Variants in KTN1 observed in about 807,000 individuals in gnomAD.
KTN1 encodes the protein kinectin 1, also known as kinectin.
KTN1 carries 130 observed loss-of-function variants against 222.5 expected under a neutral mutation model. That is an observed-to-expected ratio of 0.58 (90% CI 0.51 to 0.68). The LOEUF (loss-of-function observed/expected upper bound fraction) is 0.68, where lower values mean the gene tolerates loss of function less well. Ranked by LOEUF, KTN1 falls within the 30% of genes least tolerant of loss-of-function variation. KTN1 has a pLI of 0.00. For synonymous variants in KTN1, 512 were observed against 496.3 expected, an observed-to-expected ratio of 1.03 and a Z score of -0.42; for missense variants, 1,508 against 1,500.4, an observed-to-expected ratio of 1.01 and a Z score of -0.08.
chr14:55,658,666 TA>T (rs1228076224), intron 30 of KTN1, 52 bp downstream of exon 30: 2 of 1,058,644 alleles, frequency 1.9e-6, no homozygotes, highest in Non-Finnish European at 2.9e-6. Flanking sequence ...AAAAATTATA[TA>T]ACCAGTGACA....
At chr14:55,609,380 G>A (rs1011569554) in intron 1 of KTN1, among the ~76,000 whole-genome samples, 1 of 152,058 alleles carries the variant, frequency 6.6e-6, no homozygotes, top group East Asian at 1.9e-4. Context: ...TTCATCTCTT[G>A]GTGTCTAGTT....
intron 9 of KTN1, 124 bp downstream of exon 9, chr14:55,634,782 T>C: frequency 1.3e-6 from 1 of 747,732 alleles, no homozygotes; most frequent in Non-Finnish European, 2.0e-6. Context: ...TTTAATTGAC[T>C]CACGGTTCAA....
intron 1 of KTN1, among the ~76,000 whole-genome samples, chr14:55,609,408 T>C (rs1315046626): frequency 6.6e-6 from 1 of 152,292 alleles, no homozygotes; most frequent in Non-Finnish European, 1.5e-5. Context: ...TCTAAATGCA[T>C]AGTGAGACTC....
intron 29 of KTN1, 42 bp downstream of exon 29, chr14:55,656,174 G>A (rs1295598329): frequency 1.1e-5 from 15 of 1,320,158 alleles, no homozygotes; most frequent in East Asian, 2.4e-5. Context: ...GTAAATTATT[G>A]TCTTTGCATG....
intron 1 of KTN1, among the ~76,000 whole-genome samples, chr14:55,598,190 CT>C (rs1353947965): frequency 6.6e-6 from 1 of 152,118 alleles, no homozygotes; most frequent in Non-Finnish European, 1.5e-5. Context: ...AATCCCAGCA[CT>C]TTGGGAGGCC....
chr14:55,596,153 G>GGAAAAAA (rs1208267682), intron 1 of KTN1, among the ~76,000 whole-genome samples: 1 of 37,568 alleles, frequency 2.7e-5, no homozygotes. Flanking sequence ...AGACTCAATA[G>GGAAAAAA]CAAAAAAAAA....
intron 11 of KTN1, 135 bp from the exon 12 acceptor site, chr14:55,637,644 G>T: frequency 1.6e-6 from 1 of 640,104 alleles, no homozygotes; most frequent in Non-Finnish European, 2.7e-6. Flanking sequence ...TTAAAATAAT[G>T]CCTTTTGGAA....
At chr14:55,640,156 T>A (rs571489181) in intron 14 of KTN1, among the ~76,000 whole-genome samples, 153 bp downstream of exon 14, 7 of 151,974 alleles carry the variant, frequency 4.6e-5, no homozygotes, top group Non-Finnish European at 8.9e-5. Flanking sequence ...ATTCTCTAGC[T>A]CTCTACGAGG....
chr14:55,611,982 T>G (rs75837907), intron 1 of KTN1, 37 bp from the exon 2 acceptor site: 2,704 of 216,872 alleles, frequency 0.012, 3 homozygotes, highest in South Asian at 0.021. Flanking sequence ...TGACAGGTTC[T>G]TTTTTTTTTT....
chr14:55,610,215 T>C (rs535992193), intron 1 of KTN1, among the ~76,000 whole-genome samples: 20 of 152,286 alleles, frequency 1.3e-4, no homozygotes, highest in Non-Finnish European at 2.5e-4. Context: ...ATGCAGGAGA[T>C]TGGCTTCAGG....
Position 55,630,596 on chromosome 14 carries a change from A to G in KTN1, c.1221+499A>G, listed in dbSNP as rs117104915. Among the ~76,000 whole-genome samples the G allele has an allele frequency of 5.2e-3, 792 of 152,282 alleles. 3 individuals are homozygous for G. Among genetic ancestry groups the G allele is most frequent in the Non-Finnish European group, 9.0e-3 (610 of 68,006 alleles). On this transcript the variant is annotated intron_variant, in intron 7 of 43. Transcript: ENST00000395314. ...ACAGATTGTCTAGAGTAACTGCTCTATGAGAAATACAGTAAGAGTTGTGGT... is the reference window on the plus strand; with the variant it reads ...ACAGATTGTCTAGAGTAACTGCTCTGTGAGAAATACAGTAAGAGTTGTGGT...
chr14:55,653,085 GGTATA>G lies in KTN1; in HGVS notation c.2763+6_2763+10del, dbSNP rs758172055. The G allele has an allele frequency of 2.2e-5, 35 of 1,567,136 alleles. No individual in the cohort carries two copies. The highest frequency in any genetic ancestry group is 1.7e-5 in the Admixed American group (1 of 59,064). ...AAGTAGCACAACATAACTTGAAAGA[GGTATA>G]GTATAAACAAATTACCAACATGTTA... On this transcript the variant is annotated splice_donor_variant and splice_donor_5th_base_variant and intron_variant, in intron 27 of 43. Transcript: ENST00000395314. LOFTEE classifies it high-confidence loss of function.
chr14:55,670,207 A>G (rs1201886557), intron 34 of KTN1, among the ~76,000 whole-genome samples: 1 of 152,058 alleles, frequency 6.6e-6, no homozygotes, highest in Non-Finnish European at 1.5e-5. Flanking sequence ...CCTAATTTGA[A>G]TGAAATAATT....
intron 5 of KTN1, among the ~76,000 whole-genome samples, 156 bp from the exon 6 acceptor site, chr14:55,627,756 T>C (rs2040021201): frequency 6.6e-6 from 1 of 152,230 alleles, no homozygotes; most frequent in Non-Finnish European, 1.5e-5. Flanking sequence ...AGAATGATGG[T>C]TTCCAGCTTC....
chr14:55,659,360 T>G (rs554365927), intron 30 of KTN1, among the ~76,000 whole-genome samples: 35 of 152,020 alleles, frequency 2.3e-4, no homozygotes, highest in Non-Finnish European at 4.6e-4. Context: ...GTAGTCAAAT[T>G]TGAATTGTGC....
chr14:55,649,874 T>G, intron 22 of KTN1, 61 bp downstream of exon 22: 1 of 930,780 alleles, frequency 1.1e-6, no homozygotes, highest in South Asian at 1.5e-5. Context: ...TTTTTGTGTG[T>G]GCTTAGAAAT....
At position 55,618,014 on chromosome 14, in the gene KTN1, G is replaced by C. The variant is rs1329520973; in HGVS notation, c.712G>C (p.Asp238His). 6.2e-7 allele frequency: 1 copy of C among 1,612,082 alleles called. No individual in the cohort carries two copies. The highest frequency in any genetic ancestry group is 8.5e-7 in the Non-Finnish European group (1 of 1,178,768). ...IHATTYIPLM[D>H]NADSSPVVDK... ...TGCAACTACTTATATTCCTTTGATG[G>C]ATAATGCTGACTCAAGTCCTGTGGT... The change falls in exon 4 of 44, where the codon GAT becomes CAT. Residue 238 changes from aspartate to histidine, a missense_variant. By Grantham distance (81) the Asp-to-His change is moderately conservative. Transcript: ENST00000395314.
At position 55,612,222 on chromosome 14, in the gene KTN1, A is replaced by C; in HGVS notation, c.174A>C (p.Glu58Asp). The C allele has an allele frequency of 6.3e-7, 1 of 1,585,246 alleles. No homozygotes were observed. The highest frequency in any genetic ancestry group is 8.5e-7 in the Non-Finnish European group (1 of 1,172,832). Residue 58 changes from glutamate to aspartate, a missense_variant, in exon 2 of 44, where the codon GAA (glutamate) becomes GAC (aspartate). Glu to Asp is a conservative substitution (Grantham distance 45, BLOSUM62 2). Coordinates refer to ENST00000395314, the MANE Select transcript of KTN1 (RefSeq NM_001079521.2). ...IPTKTDKKKA[E>D]KKKNKKKEIQ... Reference sequence around the variant, plus strand: ...CCAAAACAGATAAAAAGAAAGCAGAAAAGAAAAAGAATAAAAAGAAAGAAA... The same window carrying C: ...CCAAAACAGATAAAAAGAAAGCAGACAAGAAAAAGAATAAAAAGAAAGAAA...
intron 2 of KTN1, 137 bp downstream of exon 2, chr14:55,612,708 T>C: frequency 1.3e-6 from 1 of 742,902 alleles, no homozygotes. Flanking sequence ...ATGTGTTTGC[T>C]TCATTAACAT....
Sources: gnomAD v4.1 joint callset for allele counts (sites outside exome capture counted in the v4.1 genomes callset) on GRCh38, gnomAD v4.1.1 for gene constraint, MANE v1.5 for transcripts, NCBI Gene and HGNC (gene_info 2026-07-23, HGNC 2026-07-21) for gene names.